RGS7: variants seen among roughly 807,000 people sequenced by gnomAD.
The protein encoded by RGS7 is regulator of G-protein signaling 7.
RGS7 carries 27 observed loss-of-function variants against 81.1 expected under a neutral mutation model. The observed-to-expected ratio is 0.33, with a 90% CI of 0.25 to 0.46. The LOEUF is 0.46. Among genes scored for constraint, RGS7 ranks in the 20% least tolerant of loss-of-function variants. The probability of loss-of-function intolerance (pLI) is 1.00; values close to 1 mark genes in which losing one functional copy is unlikely to be tolerated. For synonymous variants in RGS7, 208 were observed against 207.7 expected, an observed-to-expected ratio of 1.00 and a Z score of -0.01; for missense variants, 396 against 607.4, an observed-to-expected ratio of 0.65 and a Z score of 3.66.
rs1491327708 is a variant in RGS7, at chr1:241,220,989, GGA to G, written c.79-122229_79-122228del. Among the ~76,000 whole-genome samples the G allele has an allele frequency of 4.5e-3, 333 of 74,254 alleles. 6 individuals are homozygous for G. Among genetic ancestry groups the G allele is most frequent in the African/African-American group, 0.014 (304 of 21,656 alleles). 48.7% of individuals were successfully genotyped at this position (74,254 alleles called of 152,430 possible). A position where few individuals can be genotyped will look rare whatever the true frequency, so the allele number is the denominator to read the frequency against. On this transcript the variant is annotated intron_variant, in intron 2 of 18. Coordinates refer to ENST00000440928, the MANE Select transcript of RGS7 (RefSeq NM_001364886.1). Reference sequence around the variant, plus strand: ...AGGAAGGAAGGAAGGAAGGAAGGAAGGAAGGAAGAGAGAGAGAAAGGAAGGAA... The same window carrying G: ...AGGAAGGAAGGAAGGAAGGAAGGAAGAGGAAGAGAGAGAGAAAGGAAGGAA...
At chr1:241,185,192 C>T (rs1256670358) in intron 2 of RGS7, among the ~76,000 whole-genome samples, 7 of 152,088 alleles carry the variant, frequency 4.6e-5, no homozygotes, top group South Asian at 2.1e-4. Context: ...ACATGGTCTA[C>T]GTATAAAGAT....
intron 2 of RGS7, among the ~76,000 whole-genome samples, chr1:241,179,789 G>A (rs1165843014): frequency 2.0e-5 from 3 of 152,088 alleles, no homozygotes; most frequent in Non-Finnish European, 4.4e-5. Context: ...ACCAAGAGTT[G>A]CCATAAACAT....
At chr1:240,853,411 C>G (rs1007081186) in intron 9 of RGS7, among the ~76,000 whole-genome samples, 1 of 152,158 alleles carries the variant, frequency 6.6e-6, no homozygotes, top group African/African-American at 2.4e-5. Flanking sequence ...TAAGATACAA[C>G]TTCTTGGTCC....
intron 6 of RGS7, among the ~76,000 whole-genome samples, chr1:240,922,674 C>T (rs1673774467): frequency 6.6e-6 from 1 of 151,950 alleles, no homozygotes; most frequent in Non-Finnish European, 1.5e-5. Context: ...CAATGAGATA[C>T]CACATCTATT....
rs1330123264 is a variant in RGS7, at chr1:240,920,273, T to C, written c.385+10444A>G. The C allele has an allele frequency of 3.2e-5, 41 of 1,300,226 alleles. No individual in the cohort carries two copies. In the East Asian group the frequency reaches 7.4e-4, roughly 23 times the overall value. 80.5% of individuals were successfully genotyped at this position (1,300,226 alleles called of 1,614,324 possible). On this transcript the variant is annotated intron_variant, in intron 6 of 18. Transcript: ENST00000440928. ...GAAACTTTGGTGGTGATCGTGGTGGTGGTTTTGGTGGGAATGACAACTTTG... is the reference window on the plus strand; with the variant it reads ...GAAACTTTGGTGGTGATCGTGGTGGCGGTTTTGGTGGGAATGACAACTTTG...
intron 3 of RGS7, among the ~76,000 whole-genome samples, chr1:241,034,712 A>G (rs534384410): frequency 6.6e-6 from 1 of 152,226 alleles, no homozygotes; most frequent in Non-Finnish European, 1.5e-5. Context: ...ATACTGTGTC[A>G]TGCATGGAGG....
intron 2 of RGS7, among the ~76,000 whole-genome samples, chr1:241,279,425 GATA>G (rs755567103): frequency 1.3e-5 from 2 of 152,148 alleles, no homozygotes; most frequent in East Asian, 1.9e-4. Flanking sequence ...TTCTAACAAA[GATA>G]ATAATAACAT....
intron 2 of RGS7, among the ~76,000 whole-genome samples, chr1:241,340,947 A>C (rs1259653740): frequency 6.6e-6 from 1 of 151,880 alleles, no homozygotes. Context: ...ATCCTCTTAC[A>C]GGATGGGACT....
chr1:240,783,624 A>AAAAAAAT (rs1428366935), intron 18 of RGS7, among the ~76,000 whole-genome samples: 1 of 151,910 alleles, frequency 6.6e-6, no homozygotes, highest in East Asian at 1.9e-4. Context: ...CTCTGTCTCA[A>AAAAAAAT]AAAAAATAAA....
chr1:241,174,864 T>C (rs988623268), intron 2 of RGS7, among the ~76,000 whole-genome samples: 2 of 151,556 alleles, frequency 1.3e-5, no homozygotes, highest in African/African-American at 4.9e-5. Context: ...ATGTTTTCTA[T>C]GTGTTACTAG....
At chr1:241,188,384 C>T (rs2072315119) in intron 2 of RGS7, among the ~76,000 whole-genome samples, 1 of 148,964 alleles carries the variant, frequency 6.7e-6, no homozygotes, top group Non-Finnish European at 1.5e-5. Context: ...AACCAATCTA[C>T]TTTTTAAATA....
intron 2 of RGS7, among the ~76,000 whole-genome samples, chr1:241,280,199 C>T (rs2078426143): frequency 6.6e-6 from 1 of 152,142 alleles, no homozygotes; most frequent in Non-Finnish European, 1.5e-5. Flanking sequence ...AATTTGGACA[C>T]AGGTGGGCAC....
chr1:240,774,883 G>A (rs920036233), downstream of RGS7, among the ~76,000 whole-genome samples: 8 of 145,224 alleles, frequency 5.5e-5, no homozygotes, highest in Non-Finnish European at 1.2e-4. Flanking sequence ...TTAAAAATAC[G>A]GTATAACAAC....
chr1:240,972,846 CT>C (rs1683459578), intron 4 of RGS7, among the ~76,000 whole-genome samples: 2 of 99,930 alleles, frequency 2.0e-5, no homozygotes, highest in African/African-American at 7.9e-5. Flanking sequence ...AACCCCGCCT[CT>C]CAAAAAAAAA....
chr1:240,970,443 T>C (rs1683017307), intron 4 of RGS7, among the ~76,000 whole-genome samples: 2 of 152,206 alleles, frequency 1.3e-5, no homozygotes, highest in African/African-American at 2.4e-5. Context: ...GAATGCAGTA[T>C]TTAAATGCAA....
intron 2 of RGS7, among the ~76,000 whole-genome samples, chr1:241,181,591 A>G (rs2071624526): frequency 6.6e-6 from 1 of 152,330 alleles, no homozygotes; most frequent in East Asian, 1.9e-4. Flanking sequence ...AGTTATACTG[A>G]TGGTGGCCAG....
intron 9 of RGS7, among the ~76,000 whole-genome samples, chr1:240,849,490 T>A (rs1004919592): frequency 5.3e-5 from 8 of 152,190 alleles, no homozygotes; most frequent in Non-Finnish European, 8.8e-5. Context: ...TAATGCCAAC[T>A]GATATGGTTT....
At chr1:240,891,202 G>GGGC (rs2148145029) in intron 6 of RGS7, among the ~76,000 whole-genome samples, 2 of 42,084 alleles carry the variant, frequency 4.8e-5, no homozygotes, top group South Asian at 2.0e-3. Context: ...CAGCATCACT[G>GGGC]GGGGGGTGGT....
intron 6 of RGS7, among the ~76,000 whole-genome samples, chr1:240,918,846 A>G (rs1478977126): frequency 6.9e-6 from 1 of 144,866 alleles, no homozygotes; most frequent in Non-Finnish European, 1.5e-5. Flanking sequence ...GCTAATTAAG[A>G]AAAAAAAAAG....
Sources: gnomAD v4.1 joint callset for allele counts (sites outside exome capture counted in the v4.1 genomes callset) on GRCh38, gnomAD v4.1.1 for gene constraint, MANE v1.5 for transcripts, NCBI Gene and HGNC (gene_info 2026-07-23, HGNC 2026-07-21) for gene names.